Variants in EPM2A observed in about 807,000 individuals in gnomAD.
The protein encoded by EPM2A is laforin.
EPM2A carries 21 observed loss-of-function variants against 26.5 expected under a neutral mutation model. The ratio of observed to expected loss-of-function variants is 0.79; its 90% CI spans 0.56 to 1.14. EPM2A has a LOEUF of 1.14. EPM2A is among the 50% of genes most tolerant of loss of function. The probability of loss-of-function intolerance (pLI) is 0.00; values close to 1 mark genes in which losing one functional copy is unlikely to be tolerated. For synonymous variants in EPM2A, 217 were observed against 177.6 expected (o/e 1.22, Z -1.76); for missense variants, 458 against 440.8 (o/e 1.04, Z -0.35).
intron 4 of EPM2A, among the ~76,000 whole-genome samples, chr6:145,483,402 G>C (rs1779633828): frequency 6.6e-6 from 1 of 151,188 alleles, no homozygotes; most frequent in African/African-American, 2.5e-5. Flanking sequence ...TTTTCTCCCT[G>C]CTTAAAACAA....
chr6:145,696,770 G>A (rs1433215346), intron 1 of EPM2A, among the ~76,000 whole-genome samples: 2 of 134,090 alleles, frequency 1.5e-5, no homozygotes, highest in Admixed American at 8.1e-5. Flanking sequence ...GGCACAGGTA[G>A]GGGTATGTGT....
chr6:145,483,021 T>A (rs1014965639), intron 4 of EPM2A, among the ~76,000 whole-genome samples: 6 of 152,110 alleles, frequency 3.9e-5, no homozygotes, highest in Admixed American at 1.3e-4. Context: ...TTCTCTCAGT[T>A]AACGTAGGCC....
intron 1 of EPM2A, among the ~76,000 whole-genome samples, chr6:145,703,207 T>C (rs1782025777): frequency 6.6e-6 from 1 of 150,870 alleles, no homozygotes; most frequent in South Asian, 2.1e-4. Context: ...CTCTCCTGCC[T>C]CAGCCTCCCA....
chr6:145,388,638 A>T (rs1778294974), intron 4 of EPM2A, among the ~76,000 whole-genome samples: 1 of 152,050 alleles, frequency 6.6e-6, no homozygotes, highest in Non-Finnish European at 1.5e-5. Context: ...TACATTAGGT[A>T]TTTCTCCTAA....
chr6:145,641,111 GCT>G (rs1562432060), intron 2 of EPM2A: 1 of 152,098 alleles, frequency 6.6e-6, no homozygotes, highest in Non-Finnish European at 1.5e-5. Flanking sequence ...TTGACAAAAT[GCT>G]CTTTTATTTT....
intron 1 of EPM2A, among the ~76,000 whole-genome samples, chr6:145,692,687 T>C (rs1202089999): frequency 6.6e-6 from 1 of 152,058 alleles, no homozygotes; most frequent in Non-Finnish European, 1.5e-5. Flanking sequence ...CTTTCCCCAT[T>C]GCTTATTTTT....
chr6:145,465,963 C>G (rs1198337665), intron 4 of EPM2A, among the ~76,000 whole-genome samples: 1 of 152,062 alleles, frequency 6.6e-6, no homozygotes, highest in Non-Finnish European at 1.5e-5. Context: ...GGATCCCTTC[C>G]TTACCCCTTA....
intron 1 of EPM2A, among the ~76,000 whole-genome samples, chr6:145,715,916 T>C (rs1775591104): frequency 6.6e-6 from 1 of 152,148 alleles, no homozygotes; most frequent in African/African-American, 2.4e-5. Context: ...GGAATAATAA[T>C]AGAAACAAAG....
At chr6:145,715,643 A>T (rs1775574825) in intron 1 of EPM2A, among the ~76,000 whole-genome samples, 1 of 152,168 alleles carries the variant, frequency 6.6e-6, no homozygotes, top group South Asian at 2.1e-4. Context: ...CCCATCACTC[A>T]CATTACGGGG....
At chr6:145,703,358 TG>T (rs1176822372) in intron 1 of EPM2A, among the ~76,000 whole-genome samples, 2 of 152,142 alleles carry the variant, frequency 1.3e-5, no homozygotes, top group Non-Finnish European at 2.9e-5. Flanking sequence ...CCCAAAGTGC[TG>T]GGATTACAGG....
At chr6:145,572,026 TGA>T (rs1780965447) in intron 2 of EPM2A, among the ~76,000 whole-genome samples, 1 of 152,218 alleles carries the variant, frequency 6.6e-6, no homozygotes, top group Non-Finnish European at 1.5e-5. Flanking sequence ...TCCAAGTCGC[TGA>T]CCATCCAGCC....
intron 1 of EPM2A, among the ~76,000 whole-genome samples, chr6:145,720,231 A>C (rs1326493324): frequency 1.3e-5 from 2 of 152,198 alleles, no homozygotes; most frequent in Non-Finnish European, 2.9e-5. Context: ...GGAGTAAAGA[A>C]CTTTTTAAAT....
intron 2 of EPM2A, among the ~76,000 whole-genome samples, chr6:145,588,672 A>G (rs1473336941): frequency 6.6e-6 from 1 of 152,214 alleles, no homozygotes; most frequent in African/African-American, 2.4e-5. Context: ...CATTCAAACT[A>G]TTTTTGAGCA....
At chr6:145,390,222 T>C (rs932195086) in intron 4 of EPM2A, among the ~76,000 whole-genome samples, 1 of 152,116 alleles carries the variant, frequency 6.6e-6, no homozygotes, top group Non-Finnish European at 1.5e-5. Context: ...CTTTGTTCTA[T>C]TAAGACCTTC....
chr6:145,581,753 C>T (rs1030156916), intron 2 of EPM2A, among the ~76,000 whole-genome samples: 8 of 152,176 alleles, frequency 5.3e-5, no homozygotes, highest in African/African-American at 1.9e-4. Context: ...GGAGCCCTTT[C>T]CTCATTACTT....
chr6:145,678,852 A>C (rs899118616), intron 2 of EPM2A, among the ~76,000 whole-genome samples: 15 of 152,140 alleles, frequency 9.9e-5, no homozygotes, highest in African/African-American at 3.4e-4. Context: ...CAATCCCTCA[A>C]GGATCTAGAA....
At chr6:145,467,531 T>G (rs1297500318) in intron 4 of EPM2A, among the ~76,000 whole-genome samples, 2 of 152,160 alleles carry the variant, frequency 1.3e-5, no homozygotes, top group African/African-American at 4.8e-5. Flanking sequence ...TTAATGAAAT[T>G]GAGCAAATGC....
intron 4 of EPM2A, among the ~76,000 whole-genome samples, chr6:145,400,831 C>T (rs1489310259): frequency 6.6e-6 from 1 of 152,032 alleles, no homozygotes; most frequent in African/African-American, 2.4e-5. Flanking sequence ...CTTCAAAGCG[C>T]TTAATTTTTG....
intron 2 of EPM2A, among the ~76,000 whole-genome samples, chr6:145,603,665 A>G (rs1322481220): frequency 6.6e-6 from 1 of 152,214 alleles, no homozygotes; most frequent in Non-Finnish European, 1.5e-5. Context: ...CACATTTAAC[A>G]CATTCTATTG....
Sources: gnomAD v4.1 joint callset for allele counts (sites outside exome capture counted in the v4.1 genomes callset) on GRCh38, gnomAD v4.1.1 for gene constraint, MANE v1.5 for transcripts, NCBI Gene and HGNC (gene_info 2026-07-23, HGNC 2026-07-21) for gene names.